MAEA: variants seen among roughly 807,000 people sequenced by gnomAD.
MAEA encodes macrophage erythroblast attacher, E3 ubiquitin ligase.
Under a neutral mutation model 46.2 loss-of-function variants are expected in MAEA, and 22 were observed. The observed-to-expected ratio is 0.48, with a 90% confidence interval of 0.34 to 0.68. The LOEUF is 0.68. Among genes scored for constraint, MAEA ranks in the 30% least tolerant of loss-of-function variants. The pLI is 0.01. For missense variants in MAEA, 393 were observed against 558.1 expected (o/e 0.70, Z 2.98); for synonymous variants, 246 against 222.6 (o/e 1.11, Z -0.94).
At chr4:1,299,846 T>C (rs1387823917) in intron 1 of MAEA, 8 of 152,284 alleles carry the variant, frequency 5.3e-5, no homozygotes, top group African/African-American at 1.9e-4. Flanking sequence ...CTCCCACTTC[T>C]GCCCTTTTCC....
In MAEA at chr4:1,339,237, T is replaced by C. The variant is rs1335606083; in HGVS notation, c.*68T>C. ...GGGCGGGGAGGCCACGCCTTCCTCC[T>C]GTCCCACGCTCCAGCCTGCCGCGGC... is the stretch of plus-strand genomic sequence containing the variant. On this transcript the variant is annotated 3_prime_UTR_variant, in exon 9 of 9. Transcript: ENST00000303400. 6 of 1,142,894 alleles carry C rather than the reference T, an allele frequency of 5.2e-6. No individual in the cohort carries two copies. Among genetic ancestry groups the C allele is most frequent in the South Asian group, 3.7e-5 (3 of 81,056 alleles). The allele number at this position is 1,142,894 out of a possible 1,614,324, so 70.8% of individuals were successfully genotyped here.
Position 1,329,599 on chromosome 4 carries a change from G to A in MAEA, c.656+1896G>A, listed in dbSNP as rs149990893. ...GTGAGCTACATCCTCTGCTGGGGCC[G>A]TCTTGGGAGTGGTTCTCCAGGTGCC... On this transcript the variant is annotated intron_variant, in intron 5 of 8. Coordinates refer to ENST00000303400, the MANE Select transcript of MAEA (RefSeq NM_001017405.3). 651 of 985,516 alleles carry A rather than the reference G, an allele frequency of 6.6e-4. 2 individuals are homozygous for A. The African/African-American group carries it at 1.0e-2, about 15-fold the overall frequency. 61.0% of individuals were successfully genotyped at this position (985,516 alleles called of 1,614,324 possible).
chr4:1,329,511 C>T (rs930584473), intron 5 of MAEA: 18 of 985,218 alleles, frequency 1.8e-5, no homozygotes, highest in African/African-American at 1.7e-4. Flanking sequence ...TGCCTCGAAG[C>T]CTCAGCAGCC....
At chr4:1,338,884 G>C (rs554640959) in intron 8 of MAEA, 190 bp from the exon 9 acceptor site, 2 of 659,608 alleles carry the variant, frequency 3.0e-6, no homozygotes, top group African/African-American at 1.8e-5. Flanking sequence ...AGCTTCGTTC[G>C]AAATGGATGA....
chr4:1,309,759 T>G, intron 1 of MAEA: 1 of 1,485,546 alleles, frequency 6.7e-7, no homozygotes, highest in Admixed American at 2.1e-5. Context: ...TGCGTAACCG[T>G]GGCGCGTTCT....
rs755966587 is a variant in MAEA at position 1,311,324 on chromosome 4, G to A, written c.70-655G>A. Among the ~76,000 whole-genome samples the A allele has an allele frequency of 7.9e-5, 12 of 152,262 alleles. No homozygotes were observed. The highest frequency in any genetic ancestry group is 1.5e-4 in the Non-Finnish European group (10 of 68,046). On this transcript the variant is annotated intron_variant, in intron 1 of 8. Transcript: ENST00000303400. This position sits in a 1 kb window ranked among gnomAD's most constrained non-coding sequence, Gnocchi z 4.4. ...TCAAACCGTAGAGCACAGGAAACGG[G>A]CGGAGAAGAACTCAGCAGCGCTTCT...
At chr4:1,317,175 T>C (rs71614965) in intron 3 of MAEA, among the ~76,000 whole-genome samples, 1,699 of 3,496 alleles carry the variant, frequency 0.49, 438 homozygotes, top group East Asian at 0.6. Context: ...CAGACTCACC[T>C]GCAGGCCCAC....
intron 1 of MAEA, among the ~76,000 whole-genome samples, chr4:1,303,889 G>C (rs1265984451): frequency 1.4e-5 from 2 of 138,656 alleles, no homozygotes; most frequent in East Asian, 4.4e-4. Flanking sequence ...AGGGCAGGGG[G>C]GTCCGGCAGG....
At chr4:1,309,481 C>T in intron 1 of MAEA, 1 of 1,323,130 alleles carries the variant, frequency 7.6e-7, no homozygotes. Flanking sequence ...TGGGGAGGAG[C>T]TGCTGTCTGG....
chr4:1,319,680 G>A (rs996072463), intron 3 of MAEA, among the ~76,000 whole-genome samples: 5 of 152,198 alleles, frequency 3.3e-5, no homozygotes, highest in African/African-American at 9.7e-5. Flanking sequence ...AGGCAACAGT[G>A]AGCCATGATC....
chr4:1,319,966 A>G (rs1737819599), intron 3 of MAEA, among the ~76,000 whole-genome samples: 1 of 151,088 alleles, frequency 6.6e-6, no homozygotes, highest in African/African-American at 2.5e-5. Flanking sequence ...AGAAAACGCT[A>G]TGAAGGGGCT....
At chr4:1,292,791 CTG>C (rs1218965268) in intron 1 of MAEA, among the ~76,000 whole-genome samples, 1 of 151,678 alleles carries the variant, frequency 6.6e-6, no homozygotes, top group Non-Finnish European at 1.5e-5. Flanking sequence ...CTGGCTGTGG[CTG>C]TGTCTTTTTG....
At chr4:1,334,181 C>A (rs1364973897) in intron 6 of MAEA, among the ~76,000 whole-genome samples, 1 of 117,890 alleles carries the variant, frequency 8.5e-6, no homozygotes, top group African/African-American at 3.3e-5. Context: ...CCCCTGTGCT[C>A]ATCACACTGG....
intron 6 of MAEA, chr4:1,335,597 C>CCATG (rs1712648301): frequency 1.0e-6 from 1 of 954,428 alleles, no homozygotes; most frequent in Non-Finnish European, 1.2e-6. Flanking sequence ...AGCACTGGCC[C>CCATG]CATGGCGTGT....
intron 1 of MAEA, among the ~76,000 whole-genome samples, chr4:1,295,283 G>A (rs1209931892): frequency 7.9e-5 from 12 of 152,100 alleles, no homozygotes. Context: ...ATGATTTTTA[G>A]GTCTGTTATT....
rs1409599117 is a variant in MAEA, at chr4:1,329,393, A to C, written c.656+1690A>C. On this transcript the variant is annotated intron_variant, in intron 5 of 8. Transcript: ENST00000303400. ...GAGACTCGCGGGGCCTCCACCTCAT[A>C]ATGTCTGAGCCGAGCTCAGAGCTGT... 4 of 985,270 alleles carry C rather than the reference A, an allele frequency of 4.1e-6. No homozygotes were observed. In the African/African-American group the frequency reaches 7.0e-5, roughly 17 times the overall value. 61.0% of individuals were successfully genotyped at this position (985,270 alleles called of 1,614,324 possible).
chr4:1,329,886 C>G, intron 5 of MAEA: 1 of 985,568 alleles, frequency 1.0e-6, no homozygotes, highest in Non-Finnish European at 1.2e-6. Flanking sequence ...GGGTCCCAGC[C>G]CGCAGGAGCT....
At chr4:1,313,563 A>G (rs1198748953) in intron 2 of MAEA, among the ~76,000 whole-genome samples, 2 of 152,108 alleles carry the variant, frequency 1.3e-5, no homozygotes, top group African/African-American at 4.8e-5. Flanking sequence ...CCATCTCCAC[A>G]AAACATTAAA....
chr4:1,307,287 G>A (rs1467381432), intron 1 of MAEA, among the ~76,000 whole-genome samples: 5 of 149,682 alleles, frequency 3.3e-5, no homozygotes, highest in African/African-American at 7.7e-5. Flanking sequence ...CTTGCAAACC[G>A]GAAACTCCAT....
Sources: allele counts gnomAD v4.1 joint callset (sites outside exome capture counted in the v4.1 genomes callset), GRCh38; gene constraint gnomAD v4.1.1; non-coding constraint Gnocchi (gnomAD v3.1); transcripts MANE v1.5; gene names NCBI Gene and HGNC (gene_info 2026-07-23, HGNC 2026-07-21).